Variants in PHACTR1 observed in about 807,000 individuals in gnomAD.
The protein encoded by PHACTR1 is RPEL repeat containing 1.
In PHACTR1, 16 loss-of-function variants were observed where a neutral mutation model predicts 69.2. That is an observed-to-expected ratio of 0.23 (90% CI 0.16 to 0.35). The LOEUF (loss-of-function observed/expected upper bound fraction) is 0.35, where lower values mean the gene tolerates loss of function less well. Ranked by LOEUF, PHACTR1 falls within the 10% of genes least tolerant of loss-of-function variation. PHACTR1 has a pLI of 1.00. For missense variants in PHACTR1, 510 were observed against 734.7 expected (o/e 0.69, Z 3.54); for synonymous variants, 312 against 284.5 (o/e 1.10, Z -0.97).
intron 4 of PHACTR1, among the ~76,000 whole-genome samples, chr6:12,764,622 C>T (rs1768394388): frequency 6.6e-6 from 1 of 152,148 alleles, no homozygotes; most frequent in Non-Finnish European, 1.5e-5. Flanking sequence ...CTCATAACTT[C>T]TTTCATTACT....
At chr6:13,020,238 G>T (rs1027383107) in intron 4 of PHACTR1, among the ~76,000 whole-genome samples, 3 of 152,220 alleles carry the variant, frequency 2.0e-5, no homozygotes, top group Non-Finnish European at 4.4e-5. Flanking sequence ...GAAAAAATCA[G>T]CCAGAAGGTT....
chr6:13,044,751 T>G (rs1318567921), intron 4 of PHACTR1, among the ~76,000 whole-genome samples: 1 of 152,194 alleles, frequency 6.6e-6, no homozygotes. Flanking sequence ...TTTTCCCCTA[T>G]ACACGATGGT....
intron 4 of PHACTR1, among the ~76,000 whole-genome samples, chr6:12,979,671 G>C (rs1165244279): frequency 6.6e-6 from 1 of 150,970 alleles, no homozygotes; most frequent in African/African-American, 2.4e-5. Flanking sequence ...TTCTATGTTT[G>C]TATGCGGAGG....
At chr6:13,184,710 G>A in intron 7 of PHACTR1, 2 of 1,076,588 alleles carry the variant, frequency 1.9e-6, no homozygotes, top group Non-Finnish European at 2.6e-6. Flanking sequence ...TGTGTTGCCA[G>A]CCCGAGTCCC....
At chr6:13,163,127 C>T (rs905269730) in intron 6 of PHACTR1, among the ~76,000 whole-genome samples, 3 of 152,082 alleles carry the variant, frequency 2.0e-5, no homozygotes, top group Admixed American at 6.6e-5. Context: ...CGCCTGTAGC[C>T]CCAGCTACTT....
intron 6 of PHACTR1, among the ~76,000 whole-genome samples, chr6:13,177,163 C>A (rs1422888814): frequency 8.9e-6 from 1 of 112,984 alleles, no homozygotes; most frequent in African/African-American, 4.1e-5. Context: ...AATAGCAAGA[C>A]CCCATCTCTA....
At chr6:13,005,324 C>CTA (rs373241379) in intron 4 of PHACTR1, among the ~76,000 whole-genome samples, 1 of 151,622 alleles carries the variant, frequency 6.6e-6, no homozygotes, top group Admixed American at 6.6e-5. Flanking sequence ...ATATATGTCT[C>CTA]TATATATATA....
intron 5 of PHACTR1, among the ~76,000 whole-genome samples, chr6:13,081,720 G>C (rs1811405257): frequency 6.6e-6 from 1 of 152,114 alleles, no homozygotes; most frequent in Non-Finnish European, 1.5e-5. Context: ...CCAGCCACTT[G>C]GGAAGCTGAA....
At chr6:13,018,608 G>A (rs1328589649) in intron 4 of PHACTR1, among the ~76,000 whole-genome samples, 3 of 152,032 alleles carry the variant, frequency 2.0e-5, no homozygotes, top group African/African-American at 7.3e-5. Flanking sequence ...AAACTTCCTT[G>A]GATTGAGTCC....
intron 4 of PHACTR1, among the ~76,000 whole-genome samples, chr6:13,031,613 T>C (rs1802465135): frequency 8.6e-6 from 1 of 116,352 alleles, no homozygotes; most frequent in Non-Finnish European, 2.0e-5. Context: ...GGATGACTTT[T>C]TAGGTGCATG....
chr6:13,150,285 T>G (rs991611291), intron 5 of PHACTR1, among the ~76,000 whole-genome samples: 1 of 152,122 alleles, frequency 6.6e-6, no homozygotes, highest in African/African-American at 2.4e-5. Context: ...GAGTTTCCAG[T>G]GAGCCAAGAT....
chr6:12,913,981 G>GT (rs1786687547), intron 4 of PHACTR1, among the ~76,000 whole-genome samples: 1 of 151,620 alleles, frequency 6.6e-6, no homozygotes, highest in Non-Finnish European at 1.5e-5. Flanking sequence ...TTGTTTTTTT[G>GT]TTTTTTGATA....
At chr6:13,284,382 T>G (rs2127490946) in intron 13 of PHACTR1, among the ~76,000 whole-genome samples, 1 of 151,552 alleles carries the variant, frequency 6.6e-6, no homozygotes, top group East Asian at 1.9e-4. Flanking sequence ...CCGGGCGTGA[T>G]GGCACACACC....
chr6:12,735,401 G>A (rs1306047998), intron 3 of PHACTR1, among the ~76,000 whole-genome samples: 2 of 152,340 alleles, frequency 1.3e-5, no homozygotes, highest in Non-Finnish European at 2.9e-5. Flanking sequence ...ACAAGGGCAT[G>A]AGTGCCAAGA....
intron 11 of PHACTR1, 80 bp downstream of exon 11, chr6:13,272,995 T>C (rs1292541265): frequency 2.4e-5 from 37 of 1,566,976 alleles, no homozygotes; most frequent in Non-Finnish European, 2.6e-6. Context: ...ACAAGGTTTC[T>C]ACCTTGCGCC....
intron 4 of PHACTR1, among the ~76,000 whole-genome samples, chr6:13,010,496 T>C (rs924469940): frequency 1.4e-4 from 21 of 152,218 alleles, no homozygotes; most frequent in Admixed American, 2.0e-4. Context: ...AATGAAAATA[T>C]GTGTTCCTCT....
In PHACTR1 at chr6:12,793,031, T is replaced by A. The variant is rs1398887326; in HGVS notation, c.250+43241T>A. Reference sequence around the variant, plus strand: ...TTAATTTTATCTTCAAAGCTACATTTTCCCCCTAAAGACATGATCAACCCT... The same window carrying A: ...TTAATTTTATCTTCAAAGCTACATTATCCCCCTAAAGACATGATCAACCCT... On this transcript the variant is annotated intron_variant, in intron 4 of 14. Coordinates refer to ENST00000332995, the MANE Select transcript of PHACTR1 (RefSeq NM_030948.6). 2.6e-5 allele frequency among the ~76,000 whole-genome samples: 4 copies of A among 152,280 alleles called. 1 individual carries two copies. Among genetic ancestry groups the A allele is most frequent in the African/African-American group, 9.6e-5 (4 of 41,568 alleles).
intron 7 of PHACTR1, among the ~76,000 whole-genome samples, chr6:13,193,402 G>T (rs1416007592): frequency 2.3e-5 from 2 of 85,552 alleles, no homozygotes; most frequent in African/African-American, 3.4e-5. Context: ...GGGAGTGTAT[G>T]TTGAGATGCG....
chr6:13,282,806 GGACA>G (rs1780585819), intron 12 of PHACTR1, among the ~76,000 whole-genome samples: 1 of 152,100 alleles, frequency 6.6e-6, no homozygotes, highest in East Asian at 1.9e-4. Flanking sequence ...GGTGGGAGTA[GGACA>G]GATAAGAAGA....
Sources: allele counts gnomAD v4.1 joint callset (sites outside exome capture counted in the v4.1 genomes callset), GRCh38; gene constraint gnomAD v4.1.1; transcripts MANE v1.5; gene names NCBI Gene and HGNC (gene_info 2026-07-23, HGNC 2026-07-21).